ARID1B: variants seen among roughly 807,000 people sequenced by gnomAD.
ARID1B encodes the protein AT-rich interaction domain 1B.
Under a neutral mutation model 212.3 loss-of-function variants are expected in ARID1B, and 30 were observed. The observed-to-expected ratio is 0.14, with a 90% CI of 0.11 to 0.19. The LOEUF is 0.19. Ranked by LOEUF, ARID1B falls within the 10% of genes least tolerant of loss-of-function variation. The pLI is 1.00. For missense variants in ARID1B, 2,891 were observed against 3,204.0 expected, an observed-to-expected ratio of 0.90 and a Z score of 2.36; for synonymous variants, 1,402 against 1,301.7, an observed-to-expected ratio of 1.08 and a Z score of -1.66.
intron 4 of ARID1B, among the ~76,000 whole-genome samples, chr6:157,035,219 A>G (rs1351402999): frequency 2.0e-5 from 3 of 152,198 alleles, no homozygotes; most frequent in Non-Finnish European, 4.4e-5. Context: ...CTCACTGAAG[A>G]TTTTTTCTTG....
intron 1 of ARID1B, among the ~76,000 whole-genome samples, chr6:156,801,345 GC>G (rs912518447): frequency 1.3e-5 from 2 of 151,718 alleles, no homozygotes; most frequent in African/African-American, 4.8e-5. Flanking sequence ...GATTATAGGT[GC>G]CCGCCACCAG....
rs968632915 is a variant in ARID1B, at chr6:156,955,169, G to A, written c.2247+19593G>A. Among the ~76,000 whole-genome samples the A allele has an allele frequency of 9.2e-5, 14 of 152,238 alleles. No individual in the cohort carries two copies. Among genetic ancestry groups the A allele is most frequent in the Non-Finnish European group, 2.1e-4 (14 of 68,030 alleles). On this transcript the variant is annotated intron_variant, in intron 4 of 19. Transcript: ENST00000636930. The surrounding 1 kb of genome is among the most constrained non-coding windows in gnomAD (Gnocchi z 4.2). ...GGGGCTGTTGTTCAAGCTTGCTAACGTGTGTTAGGATCCTGAATCTGGCAT... is the reference window on the plus strand; with the variant it reads ...GGGGCTGTTGTTCAAGCTTGCTAACATGTGTTAGGATCCTGAATCTGGCAT...
At chr6:157,058,563 C>T (rs1783125264) in intron 4 of ARID1B, among the ~76,000 whole-genome samples, 2 of 152,244 alleles carry the variant, frequency 1.3e-5, no homozygotes, top group African/African-American at 4.8e-5. Flanking sequence ...CCGCGCCCAG[C>T]CCTACTTTAT....
intron 4 of ARID1B, among the ~76,000 whole-genome samples, chr6:157,055,100 C>G (rs116290012): frequency 1.5e-3 from 226 of 152,358 alleles, no homozygotes; most frequent in African/African-American, 5.2e-3. Flanking sequence ...CACCTCACCA[C>G]TGAAGCCAGC....
chr6:156,780,665 A>C (rs370596721), intron 1 of ARID1B, among the ~76,000 whole-genome samples: 466 of 152,356 alleles, frequency 3.1e-3, no homozygotes, highest in South Asian at 0.022. Flanking sequence ...CTCTATTACA[A>C]GCAAATGTAA....
At chr6:157,023,802 A>C (rs1780477255) in intron 4 of ARID1B, 1 of 152,196 alleles carries the variant, frequency 6.6e-6, no homozygotes, top group African/African-American at 2.4e-5. Context: ...AACTTTGCCT[A>C]CCTAATATAA....
chr6:157,169,649 CTTAT>C (rs1309760041), intron 9 of ARID1B: 1 of 152,200 alleles, frequency 6.6e-6, no homozygotes, highest in Non-Finnish European at 1.5e-5. Flanking sequence ...TTAGGTTTTA[CTTAT>C]TTGTGTTGAA....
intron 15 of ARID1B, 79 bp from the exon 16 acceptor site, chr6:157,196,086 A>G: frequency 1.3e-6 from 2 of 1,540,750 alleles, no homozygotes; most frequent in East Asian, 2.3e-5. Context: ...CAAAGACAAT[A>G]GAGATGACTA....
intron 9 of ARID1B, among the ~76,000 whole-genome samples, chr6:157,170,440 G>A (rs1338062965): frequency 2.0e-5 from 3 of 152,198 alleles, no homozygotes; most frequent in African/African-American, 7.2e-5. Context: ...TGTAGAGGTT[G>A]CTGGGGTGCT....
At chr6:156,984,732 G>C (rs1209631769) in intron 4 of ARID1B, 1 of 152,074 alleles carries the variant, frequency 6.6e-6, no homozygotes, top group Non-Finnish European at 1.5e-5. Context: ...TTTTGCCCAG[G>C]CTGGAATGCA....
chr6:157,025,961 G>C (rs985567459), intron 4 of ARID1B, among the ~76,000 whole-genome samples: 4 of 150,724 alleles, frequency 2.7e-5, no homozygotes, highest in Non-Finnish European at 5.9e-5. Flanking sequence ...GTCTCGCCCT[G>C]TTGCCCAGGT....
chr6:156,785,751 T>C (rs916119578), intron 1 of ARID1B, among the ~76,000 whole-genome samples: 1 of 152,342 alleles, frequency 6.6e-6, no homozygotes, highest in South Asian at 2.1e-4. Flanking sequence ...AAAATAATCT[T>C]GTTTTTGTAA....
At chr6:157,070,467 A>G (rs897929861) in intron 4 of ARID1B, among the ~76,000 whole-genome samples, 1 of 152,206 alleles carries the variant, frequency 6.6e-6, no homozygotes, top group Non-Finnish European at 1.5e-5. Context: ...ATGTCACTTC[A>G]TAATTACAGT....
intron 4 of ARID1B, among the ~76,000 whole-genome samples, chr6:157,027,258 CTG>C (rs1199020923): frequency 6.6e-6 from 1 of 152,196 alleles, no homozygotes; most frequent in Non-Finnish European, 1.5e-5. Flanking sequence ...AGATAAAACT[CTG>C]TGGTTAAATT....
chr6:157,118,561 G>A (rs938360273), intron 6 of ARID1B, among the ~76,000 whole-genome samples: 1 of 152,178 alleles, frequency 6.6e-6, no homozygotes, highest in African/African-American at 2.4e-5. Context: ...AAACTCAAAT[G>A]GGAGGCTTTA....
At chr6:157,014,887 A>G (rs929271644) in intron 4 of ARID1B, among the ~76,000 whole-genome samples, 13 of 46,746 alleles carry the variant, frequency 2.8e-4, no homozygotes, top group Non-Finnish European at 4.4e-4. Context: ...CCAGGAATAA[A>G]AAAAAAAAAA....
chr6:156,867,351 G>C (rs1408951126), intron 2 of ARID1B, among the ~76,000 whole-genome samples: 3 of 152,166 alleles, frequency 2.0e-5, no homozygotes, highest in East Asian at 3.9e-4. Context: ...TCACTGCTGA[G>C]GACATAGGAA....
chr6:156,886,703 C>A (rs964710306), intron 2 of ARID1B, among the ~76,000 whole-genome samples: 1 of 152,162 alleles, frequency 6.6e-6, no homozygotes. Flanking sequence ...GAACCAGTGG[C>A]CATTCAAAGT....
chr6:157,083,270 A>G (rs1784746891), intron 4 of ARID1B, among the ~76,000 whole-genome samples: 1 of 152,356 alleles, frequency 6.6e-6, no homozygotes, highest in East Asian at 1.9e-4. Context: ...TAGCATAACC[A>G]GATATTTCTG....
Sources: gnomAD v4.1 joint callset for allele counts (sites outside exome capture counted in the v4.1 genomes callset) on GRCh38, gnomAD v4.1.1 for gene constraint, Gnocchi (gnomAD v3.1) non-coding constraint, MANE v1.5 for transcripts, NCBI Gene and HGNC (gene_info 2026-07-23, HGNC 2026-07-21) for gene names.